The following ZFYVE26 variants were observed in gnomAD, a reference collection of about 807,000 sequenced individuals.
The protein encoded by ZFYVE26 is zinc finger FYVE domain-containing protein 26.
ZFYVE26 carries 181 observed loss-of-function variants against 276.5 expected under a neutral mutation model. The ratio of observed to expected loss-of-function variants is 0.65; its 90% CI spans 0.58 to 0.74. ZFYVE26 has a LOEUF of 0.74. ZFYVE26 is among the 30% of genes least tolerant of loss of function. The probability of loss-of-function intolerance (pLI) is 0.00; values close to 1 mark genes in which losing one functional copy is unlikely to be tolerated. For synonymous variants in ZFYVE26, 1,129 were observed against 1,203.1 expected, an observed-to-expected ratio of 0.94 and a Z score of 1.27; for missense variants, 2,821 against 3,097.9, an observed-to-expected ratio of 0.91 and a Z score of 2.12.
At chr14:67,798,982 A>AT in intron 10 of ZFYVE26, 1 of 1,132,956 alleles carries the variant, frequency 8.8e-7, no homozygotes, top group African/African-American at 1.5e-5. Flanking sequence ...GGCGGGGGTG[A>AT]TTTACGGATA....
At chr14:67,803,353 T>C (rs1047936676) in intron 9 of ZFYVE26, among the ~76,000 whole-genome samples, 36 of 152,304 alleles carry the variant, frequency 2.4e-4, no homozygotes, top group African/African-American at 8.7e-4. Context: ...AGTCTTCTTC[T>C]TTTTTTGAGA....
intron 16 of ZFYVE26, among the ~76,000 whole-genome samples, chr14:67,788,732 T>C (rs2039727348): frequency 6.6e-6 from 1 of 152,204 alleles, no homozygotes; most frequent in Non-Finnish European, 1.5e-5. Context: ...ACTCATATCA[T>C]AACCTATTCA....
chr14:67,781,232 T>C, intron 22 of ZFYVE26, 101 bp downstream of exon 22: 2 of 1,412,244 alleles, frequency 1.4e-6, no homozygotes, highest in African/African-American at 1.4e-5. Flanking sequence ...AACCCAGACC[T>C]ATATTTTCTC....
chr14:67,793,393 A>G (rs1437846317), intron 14 of ZFYVE26, among the ~76,000 whole-genome samples: 4 of 152,126 alleles, frequency 2.6e-5, no homozygotes, highest in Non-Finnish European at 5.9e-5. Context: ...CACCTTTTAA[A>G]AACACTGCTT....
chr14:67,778,895 T>C (rs192109935), intron 23 of ZFYVE26, among the ~76,000 whole-genome samples: 1 of 152,334 alleles, frequency 6.6e-6, no homozygotes, highest in Admixed American at 6.5e-5. Flanking sequence ...GTGCCCTGCC[T>C]GTGCTCCCAC....
At chr14:67,771,494 A>T (rs767620376) in intron 28 of ZFYVE26, among the ~76,000 whole-genome samples, 2 of 152,262 alleles carry the variant, frequency 1.3e-5, no homozygotes, top group African/African-American at 2.4e-5. Context: ...CATCGTTTTC[A>T]TCAGCGTTGA....
chr14:67,769,812 C>G, intron 28 of ZFYVE26, 82 bp from the exon 29 acceptor site: 1 of 1,579,984 alleles, frequency 6.3e-7, no homozygotes, highest in African/African-American at 1.3e-5. Context: ...ATGGTATTAA[C>G]TACCAGTGGC....
exon 14 of ZFYVE26, chr14:67,729,409 C>T: frequency 6.3e-7 from 1 of 1,590,138 alleles, no homozygotes; most frequent in Non-Finnish European, 8.5e-7. Flanking sequence ...GTTCTCTCCA[C>T]CACCTGTGTG....
In ZFYVE26 at chr14:67,777,454, A is replaced by G. The variant is rs953420106; in HGVS notation, c.4974+105T>C. On this transcript the variant is annotated intron_variant, in intron 25 of 41. Coordinates refer to ENST00000347230, the MANE Select transcript of ZFYVE26 (RefSeq NM_015346.4). ...ATTGAAAAGGCAAGTTCTGAAGAAG[A>G]GCTAGGCTCGCAGTCTCTCCCTCAG... 3.2e-6 allele frequency: 5 copies of G among 1,579,130 alleles called. No homozygotes were observed. The African/African-American group carries it at 6.7e-5, about 21-fold the overall frequency.
intron 16 of ZFYVE26, among the ~76,000 whole-genome samples, chr14:67,786,703 T>G (rs530754712): frequency 6.6e-6 from 1 of 152,342 alleles, no homozygotes; most frequent in East Asian, 1.9e-4. Flanking sequence ...CTAAATTAAT[T>G]CCTAAATCAG....
At chr14:67,781,228 G>T in intron 22 of ZFYVE26, 105 bp downstream of exon 22, 1 of 1,382,280 alleles carries the variant, frequency 7.2e-7, no homozygotes, top group Non-Finnish European at 1.0e-6. Flanking sequence ...GCAAAACCCA[G>T]ACCTATATTT....
rs754258140 is a variant in ZFYVE26, at chr14:67,754,076, A to G, written c.7123T>C (p.Cys2375Arg). 6.2e-7 allele frequency: 1 copy of G among 1,614,236 alleles called. No homozygotes were observed. Among genetic ancestry groups the G allele is most frequent in the Admixed American group, 1.7e-5 (1 of 60,032 alleles). The change falls in exon 38 of 42, where the codon TGC becomes CGC. Residue 2375 changes from cysteine to arginine, a missense_variant. Transcript: ENST00000347230. ...GNNHMKMDVACKVMLGGKNVE... is the reference protein window; with the variant it reads ...GNNHMKMDVARKVMLGGKNVE... ...GTCTGAAACGCTGCATGTACCTTGC[A>G]GGCAACATCCATTTTCATGTGGTTA...
At position 67,730,673 on chromosome 14, in the gene ZFYVE26, G is replaced by A. The variant is rs567497595; in HGVS notation, n.2680-854C>T. Among the ~76,000 whole-genome samples, 3 of 152,106 alleles carry A rather than the reference G, an allele frequency of 2.0e-5. No individual in the cohort carries two copies. The South Asian group carries it at 6.2e-4, about 32-fold the overall frequency. ...GGCTGGAGGGCAATGGCTTGATCTT[G>A]GCTCACTGCAACTTCAGCCTCCTGG... On this transcript the variant is annotated intron_variant and non_coding_transcript_variant, in intron 13 of 14. Transcript: ENST00000394455.
intron 39 of ZFYVE26, among the ~76,000 whole-genome samples, chr14:67,753,137 A>G (rs760646042): frequency 3.3e-5 from 5 of 152,324 alleles, no homozygotes; most frequent in Admixed American, 1.3e-4. Flanking sequence ...CTCACAATGC[A>G]TAAATACCCT....
intron 10 of ZFYVE26, among the ~76,000 whole-genome samples, chr14:67,801,643 A>G (rs1161454597): frequency 2.0e-5 from 3 of 152,228 alleles, no homozygotes; most frequent in East Asian, 1.9e-4. Context: ...AAATTGCCTT[A>G]GAAGACTACA....
At chr14:67,813,476 C>A (rs181667532) in intron 3 of ZFYVE26, among the ~76,000 whole-genome samples, 1 of 151,482 alleles carries the variant, frequency 6.6e-6, no homozygotes, top group African/African-American at 2.4e-5. Context: ...TAATTCCTTA[C>A]CAGGTTTTTT....
At chr14:67,753,825 C>T (rs2038709699) in intron 38 of ZFYVE26, 59 bp from the exon 39 acceptor site, 4 of 1,588,652 alleles carry the variant, frequency 2.5e-6, no homozygotes, top group Non-Finnish European at 2.6e-6. Context: ...ATACTCTTGA[C>T]CAAGAATGAA....
chr14:67,779,102 T>C (rs961055809), intron 23 of ZFYVE26, among the ~76,000 whole-genome samples: 9 of 150,740 alleles, frequency 6.0e-5, no homozygotes, highest in Admixed American at 1.3e-4. Flanking sequence ...AACATTTCAA[T>C]GAGCATCTAC....
chr14:67,801,582 A>C (rs959707357), intron 10 of ZFYVE26, among the ~76,000 whole-genome samples: 15 of 152,196 alleles, frequency 9.9e-5, no homozygotes, highest in Non-Finnish European at 2.1e-4. Context: ...AAAATGAGAG[A>C]GGATAGGACC....
Sources: allele counts gnomAD v4.1 joint callset (sites outside exome capture counted in the v4.1 genomes callset), GRCh38; gene constraint gnomAD v4.1.1; transcripts MANE v1.5; gene names NCBI Gene and HGNC (gene_info 2026-07-23, HGNC 2026-07-21).